Variants in MCUR1 observed in about 807,000 individuals in gnomAD.
MCUR1 encodes MCU regulator 1.
MCUR1 carries 37 observed loss-of-function variants against 42.0 expected under a neutral mutation model. The ratio of observed to expected loss-of-function variants is 0.88; its 90% CI spans 0.68 to 1.16. The LOEUF is 1.16. MCUR1 is among the 50% of genes most tolerant of loss of function. The pLI, the probability that MCUR1 is intolerant of heterozygous loss-of-function variation, is 0.00. For missense variants in MCUR1, 469 were observed against 468.4 expected (o/e 1.00, Z -0.01); for synonymous variants, 229 against 196.2 (o/e 1.17, Z -1.40).
Position 13,801,395 on chromosome 6 carries a change from A to C in MCUR1, c.640-6T>G. On this transcript the variant is annotated splice_polypyrimidine_tract_variant and splice_region_variant and intron_variant, in intron 3 of 8. Coordinates refer to ENST00000379170, the MANE Select transcript of MCUR1 (RefSeq NM_001031713.4). ...ACTTGCTGAAAAGTGATTTCCTAGG[A>C]AAAGAAAAACAAAACACATAATCTA... is the stretch of plus-strand genomic sequence containing the variant. 6.3e-7 allele frequency: 1 copy of C among 1,595,816 alleles called. No individual in the cohort carries two copies. Among genetic ancestry groups the C allele is most frequent in the Non-Finnish European group, 8.6e-7 (1 of 1,167,522 alleles).
rs1378341332 is a variant in MCUR1, at chr6:13,787,471, T to G, written c.*3338A>C. 1 of 152,154 alleles carries G rather than the reference T, an allele frequency of 6.6e-6. No individual in the cohort carries two copies. Among genetic ancestry groups the G allele is most frequent in the Non-Finnish European group, 1.5e-5 (1 of 68,036 alleles). 9.4% of individuals were successfully genotyped at this position (152,154 alleles called of 1,614,324 possible). A position where few individuals can be genotyped will look rare whatever the true frequency, so the allele number is the denominator to read the frequency against. On this transcript the variant is annotated 3_prime_UTR_variant, in exon 9 of 9. Coordinates refer to ENST00000379170, the MANE Select transcript of MCUR1 (RefSeq NM_001031713.4). ...AAGTCATGTTTCCAGTAAAGAACCG[T>G]ACACACAAGCAGGTTTTGCTTATTA... is the stretch of plus-strand genomic sequence containing the variant.
At chr6:13,807,199 C>A (rs1246794958) in intron 1 of MCUR1, among the ~76,000 whole-genome samples, 155 bp from the exon 2 acceptor site, 1 of 152,160 alleles carries the variant, frequency 6.6e-6, no homozygotes. Flanking sequence ...GCATACAGTT[C>A]AATAGGTTTT....
chr6:13,800,268 A>G (rs1759961613), intron 5 of MCUR1, 73 bp downstream of exon 5: 2 of 985,170 alleles, frequency 2.0e-6, no homozygotes. Context: ...AAAAACATCC[A>G]TTTCTAATAT....
chr6:13,790,793 T>C lies in MCUR1; in HGVS notation c.*16A>G, dbSNP rs1170275695. ...TTAAGGCAAAACAGTAGAAATCACT[T>C]TAAATAGACACTTTATTAGATCCAC... On this transcript the variant is annotated 3_prime_UTR_variant, in exon 9 of 9. Transcript: ENST00000379170. 1 of 1,604,710 alleles carries C rather than the reference T, an allele frequency of 6.2e-7. No homozygotes were observed. The highest frequency in any genetic ancestry group is 2.2e-5 in the East Asian group (1 of 44,700).
intron 1 of MCUR1, among the ~76,000 whole-genome samples, chr6:13,813,452 C>A (rs895013470): frequency 1.3e-5 from 2 of 152,128 alleles, no homozygotes; most frequent in African/African-American, 2.4e-5. Flanking sequence ...TATATCCACA[C>A]ACACATATTT....
Position 13,789,771 on chromosome 6 carries a change from C to T in MCUR1, c.*1038G>A, listed in dbSNP as rs541856445. 1 of 152,150 alleles carries T rather than the reference C, an allele frequency of 6.6e-6. No homozygotes were observed. Among genetic ancestry groups the T allele is most frequent in the South Asian group, 2.1e-4 (1 of 4,814 alleles). 9.4% of individuals were successfully genotyped at this position (152,150 alleles called of 1,614,324 possible). A position where few individuals can be genotyped will look rare whatever the true frequency, so the allele number is the denominator to read the frequency against. Reference sequence around the variant, plus strand: ...CAGCAGGTTTTCTAGGTAGGTAATGCCACCAGTGGAGGATTATTACAGTTC... The same window carrying T: ...CAGCAGGTTTTCTAGGTAGGTAATGTCACCAGTGGAGGATTATTACAGTTC... On this transcript the variant is annotated 3_prime_UTR_variant, in exon 9 of 9. Coordinates refer to ENST00000379170, the MANE Select transcript of MCUR1 (RefSeq NM_001031713.4).
chr6:13,795,416 C>T (rs1180717003), intron 6 of MCUR1, among the ~76,000 whole-genome samples: 1 of 152,216 alleles, frequency 6.6e-6, no homozygotes, highest in Non-Finnish European at 1.5e-5. Context: ...AGCTCTATAT[C>T]CCCATGCCCC....
intron 7 of MCUR1, among the ~76,000 whole-genome samples, chr6:13,793,125 CAA>C (rs781438643): frequency 0.031 from 2,735 of 87,834 alleles, 80 homozygotes; most frequent in East Asian, 0.24. Flanking sequence ...GACCCCACCT[CAA>C]AAAAAAAAAA....
rs1438203326 is a variant in MCUR1 at position 13,787,987 on chromosome 6, A to T, written c.*2822T>A. The T allele has an allele frequency of 6.6e-6, 1 of 151,936 alleles. No homozygotes were observed. Among genetic ancestry groups the T allele is most frequent in the Non-Finnish European group, 1.5e-5 (1 of 68,052 alleles). 9.4% of individuals were successfully genotyped at this position (151,936 alleles called of 1,614,324 possible). A position where few individuals can be genotyped will look rare whatever the true frequency, so the allele number is the denominator to read the frequency against. Reference sequence around the variant, plus strand: ...AACCTCTGCCTCCCAGGTTCATGCAATTTTCCTGTCTCAGCCTCCCGAGTA... The same window carrying T: ...AACCTCTGCCTCCCAGGTTCATGCATTTTTCCTGTCTCAGCCTCCCGAGTA... On this transcript the variant is annotated 3_prime_UTR_variant, in exon 9 of 9. Transcript: ENST00000379170.
At position 13,801,354 on chromosome 6, in the gene MCUR1, C is replaced by T. The variant is rs141962734; in HGVS notation, c.675G>A (p.Ala225=). The stretch of plus-strand genomic sequence containing the variant: ...AAATAATCATATCCTTTTTCACATT[C>T]GCAATCTGAGACATTACTTGCTGAA... ...ITFQQVMSQI[A]NVKKDMIILE... The change falls in exon 4 of 9, where the codon GCG becomes GCA. Residue 225 remains alanine (A), a synonymous_variant. Coordinates refer to ENST00000379170, the MANE Select transcript of MCUR1 (RefSeq NM_001031713.4). The T allele has an allele frequency of 6.0e-5, 97 of 1,612,390 alleles. No individual in the cohort carries two copies. In the Middle Eastern group the frequency reaches 1.2e-3, roughly 19 times the overall value.
chr6:13,800,430 T>C (rs1759966347), intron 4 of MCUR1, 48 bp from the exon 5 acceptor site: 1 of 1,075,158 alleles, frequency 9.3e-7, no homozygotes, highest in Non-Finnish European at 1.4e-6. Context: ...ACATAAAACG[T>C]AGTAACCAAC....
chr6:13,793,144 A>G (rs1035841234), intron 7 of MCUR1, among the ~76,000 whole-genome samples: 71 of 151,122 alleles, frequency 4.7e-4, no homozygotes, highest in African/African-American at 1.6e-3. Context: ...AAAAAAAAAA[A>G]AAGAAAGAAG....
rs1759900033 is a variant in MCUR1, at chr6:13,798,230, G to A, written c.855+603C>T. On this transcript the variant is annotated intron_variant, in intron 6 of 8. Coordinates refer to ENST00000379170, the MANE Select transcript of MCUR1 (RefSeq NM_001031713.4). ...CCTGCCTCAGCCTCCCGAGTAGCTG[G>A]GATTACAGGTGCCCGCCACCATGCC... Among the ~76,000 whole-genome samples, 3 of 151,102 alleles carry A rather than the reference G, an allele frequency of 2.0e-5. No homozygotes were observed. The South Asian group carries it at 6.3e-4, about 32-fold the overall frequency.
intron 5 of MCUR1, among the ~76,000 whole-genome samples, chr6:13,799,122 T>G (rs1759928985): frequency 6.6e-6 from 1 of 152,028 alleles, no homozygotes; most frequent in African/African-American, 2.4e-5. Flanking sequence ...GTCCCAGGAC[T>G]TCCCAGTTAG....
At chr6:13,800,221 C>A in intron 5 of MCUR1, 120 bp downstream of exon 5, 1 of 653,760 alleles carries the variant, frequency 1.5e-6, no homozygotes. Context: ...ACTTTTGAGG[C>A]ATATTACACA....
chr6:13,808,901 T>C (rs1473778629), intron 1 of MCUR1, among the ~76,000 whole-genome samples: 1 of 150,888 alleles, frequency 6.6e-6, no homozygotes, highest in Non-Finnish European at 1.5e-5. Context: ...ACTTTTAAGT[T>C]TGTTTTAAGT....
chr6:13,814,304 G>A lies in MCUR1; in HGVS notation c.126C>T (p.Leu42=), dbSNP rs777830505. The A allele has an allele frequency of 6.6e-5, 100 of 1,504,226 alleles. No individual in the cohort carries two copies. Among genetic ancestry groups the A allele is most frequent in the Admixed American group, 3.7e-4 (18 of 48,142 alleles). The allele number at this position is 1,504,226 out of a possible 1,614,324, so 93.2% of individuals were successfully genotyped here. A position where few individuals can be genotyped will look rare whatever the true frequency, so the allele number is the denominator to read the frequency against. ...GGSETSARRC[L]SALSDGLGAL... Reference sequence around the variant, plus strand: ...CCCCCAGACCGTCGGAGAGCGCAGAGAGGCAGCGGCGTGCTGAGGTTTCGC... The same window carrying A: ...CCCCCAGACCGTCGGAGAGCGCAGAAAGGCAGCGGCGTGCTGAGGTTTCGC... The change falls in exon 1 of 9, where the codon CTC becomes CTT. Residue 42 remains leucine (L), a synonymous_variant. Coordinates refer to ENST00000379170, the MANE Select transcript of MCUR1 (RefSeq NM_001031713.4).
At chr6:13,804,540 C>T (rs12665036) in intron 2 of MCUR1, among the ~76,000 whole-genome samples, 23 of 151,192 alleles carry the variant, frequency 1.5e-4, no homozygotes, top group African/African-American at 4.8e-5. Flanking sequence ...TTTGGGAGGC[C>T]GAGGCGGGCG....
At position 13,814,114 on chromosome 6, in the gene MCUR1, GC is replaced by G; in HGVS notation, c.315del (p.Arg106AlafsTer35). The G allele has an allele frequency of 8.0e-7, 1 of 1,256,298 alleles. No homozygotes were observed. Among genetic ancestry groups the G allele is most frequent in the Non-Finnish European group, 9.9e-7 (1 of 1,005,054 alleles). The allele number at this position is 1,256,298 out of a possible 1,614,324, so 77.8% of individuals were successfully genotyped here. On this transcript the variant is annotated frameshift_variant, in exon 1 of 9. Coordinates refer to ENST00000379170, the MANE Select transcript of MCUR1 (RefSeq NM_001031713.4). LOFTEE classifies it high-confidence loss of function. Reference protein sequence around the residue: ...SRLGYAAPPAGRSSAWRCSPG... With the variant: ...SRLGYAAPPAXRSSAWRCSPG... ...GGTGAGCACCTCCACGCGCTGCTGC[GC>G]CCGGCCGGGGGTGCGGCATACCCGA... is the stretch of plus-strand genomic sequence containing the variant.
Sources: gnomAD v4.1 joint callset for allele counts (sites outside exome capture counted in the v4.1 genomes callset) on GRCh38, gnomAD v4.1.1 for gene constraint, MANE v1.5 for transcripts, NCBI Gene and HGNC (gene_info 2026-07-23, HGNC 2026-07-21) for gene names.